Variants in KCNU1 observed in about 807,000 individuals in gnomAD.
The protein encoded by KCNU1 is potassium channel subfamily U member 1.
Under a neutral mutation model 126.8 loss-of-function variants are expected in KCNU1, and 93 were observed. The observed-to-expected ratio is 0.73, with a 90% CI of 0.62 to 0.87. The LOEUF (loss-of-function observed/expected upper bound fraction) is 0.87. KCNU1 is among the 40% of genes least tolerant of loss of function. KCNU1 has a pLI of 0.00. For missense variants in KCNU1, 1,330 were observed against 1,367.1 expected (o/e 0.97, Z 0.43); for synonymous variants, 523 against 494.2 (o/e 1.06, Z -0.77).
intron 18 of KCNU1, among the ~76,000 whole-genome samples, chr8:36,855,964 G>T (rs1805513652): frequency 6.6e-6 from 1 of 151,962 alleles, no homozygotes; most frequent in South Asian, 2.1e-4. Context: ...GTGATGTAGG[G>T]CACAATTTAG....
Position 36,911,132 on chromosome 8 carries a change from C to T in KCNU1, c.2521+13C>T, listed in dbSNP as rs777285806. The T allele has an allele frequency of 1.9e-6, 3 of 1,580,430 alleles. No homozygotes were observed. Among genetic ancestry groups the T allele is most frequent in the Non-Finnish European group, 2.6e-6 (3 of 1,158,274 alleles). On this transcript the variant is annotated intron_variant, in intron 22 of 26. Transcript: ENST00000399881. ...CCCTCAGTGTCAGGTGAGAACAGCACCCCTGAAAAGAAGAAACTAGGACGT... is the reference window on the plus strand; with the variant it reads ...CCCTCAGTGTCAGGTGAGAACAGCATCCCTGAAAAGAAGAAACTAGGACGT...
chr8:36,807,376 T>G lies in KCNU1; in HGVS notation c.582T>G (p.Gly194=). ...TTTCTCCTTTCCATTGGTTTGTAGG[T>G]TTAAGGTTCCTAAGAGCCTTGCGCC... ...ISYYLKSNWL[G]LRFLRALRLL... The change falls in exon 6 of 27, where the codon GGT becomes GGG. Residue 194 remains glycine (G), a splice_region_variant and synonymous_variant. Coordinates refer to ENST00000399881, the MANE Select transcript of KCNU1 (RefSeq NM_001031836.3). 1 of 1,612,972 alleles carries G rather than the reference T, an allele frequency of 6.2e-7. No homozygotes were observed. The highest frequency in any genetic ancestry group is 8.5e-7 in the Non-Finnish European group (1 of 1,179,078).
At chr8:36,935,438 T>A in intron 26 of KCNU1, 77 bp from the exon 27 acceptor site, 1 of 1,184,274 alleles carries the variant, frequency 8.4e-7, no homozygotes, top group Non-Finnish European at 1.2e-6. Flanking sequence ...CAAAATGACC[T>A]CTTTATTTGG....
intron 7 of KCNU1, among the ~76,000 whole-genome samples, chr8:36,811,644 G>T (rs529268495): frequency 4.2e-4 from 64 of 152,290 alleles, no homozygotes; most frequent in Non-Finnish European, 8.2e-4. Context: ...AAGAAGTAGT[G>T]GTAGTGGCTG....
intron 21 of KCNU1, among the ~76,000 whole-genome samples, chr8:36,910,093 T>C (rs1437778924): frequency 6.6e-6 from 1 of 152,132 alleles, no homozygotes; most frequent in Non-Finnish European, 1.5e-5. Context: ...TCCCACTCTA[T>C]GCCACCATTT....
chr8:36,832,768 A>G (rs752629585), intron 10 of KCNU1, among the ~76,000 whole-genome samples: 2 of 150,918 alleles, frequency 1.3e-5, no homozygotes, highest in Non-Finnish European at 1.5e-5. Context: ...TTTTATTTTT[A>G]TTTCCTTGAT....
At chr8:36,909,610 T>C (rs1307953770) in intron 21 of KCNU1, 75 bp downstream of exon 21, 5 of 873,426 alleles carry the variant, frequency 5.7e-6, no homozygotes, top group Non-Finnish European at 9.2e-6. Flanking sequence ...ATAATGATAA[T>C]ATTGCAGTTC....
chr8:36,795,914 A>G (rs546728163), intron 2 of KCNU1: 287 of 152,320 alleles, frequency 1.9e-3, no homozygotes, highest in Middle Eastern at 3.4e-3. Flanking sequence ...ACAGCACCAC[A>G]AGCCCAGGCT....
chr8:36,854,396 A>G (rs1805458559), intron 18 of KCNU1, among the ~76,000 whole-genome samples: 1 of 149,184 alleles, frequency 6.7e-6, no homozygotes, highest in African/African-American at 2.5e-5. Context: ...GGCTGTCTTC[A>G]TTTTTCTTAA....
rs368063156 is a variant in KCNU1 at position 36,864,474 on chromosome 8, G to A, written c.1962G>A (p.Pro654=). 3.0e-4 allele frequency: 486 copies of A among 1,613,102 alleles called. 4 individuals carry two copies. The South Asian group carries it at 4.1e-3, about 14-fold the overall frequency. ...ISSRISGQDS[P]PRVSASTSSI... ...CTCGTATATCAGGGCAGGATTCTCC[G>A]CCAAGGGTATCTGCAAGCACTTCGA... Residue 654 remains proline, a synonymous_variant, in exon 19 of 27, where the codon CCG becomes CCA. Transcript: ENST00000399881.
At chr8:36,869,190 C>G (rs1380224103) in intron 19 of KCNU1, among the ~76,000 whole-genome samples, 1 of 152,106 alleles carries the variant, frequency 6.6e-6, no homozygotes, top group Non-Finnish European at 1.5e-5. Flanking sequence ...TGCGAATAAT[C>G]TCAAGTGAGT....
At chr8:36,877,341 C>T (rs1296190891) in intron 19 of KCNU1, among the ~76,000 whole-genome samples, 8 of 147,692 alleles carry the variant, frequency 5.4e-5, no homozygotes, top group South Asian at 2.1e-4. Flanking sequence ...TCACTCTTGT[C>T]GCCCAGGCTA....
At chr8:36,854,380 C>G (rs1316352779) in intron 18 of KCNU1, among the ~76,000 whole-genome samples, 2 of 151,958 alleles carry the variant, frequency 1.3e-5, no homozygotes, top group Non-Finnish European at 2.9e-5. Flanking sequence ...TCCCAGCGGT[C>G]CCTTAGGCTG....
chr8:36,856,492 A>G (rs377644600), intron 18 of KCNU1, among the ~76,000 whole-genome samples: 3 of 152,290 alleles, frequency 2.0e-5, no homozygotes, highest in Admixed American at 6.5e-5. Context: ...TATAAAATAA[A>G]TTTCCCCTAA....
chr8:36,812,963 T>A (rs1455147123), intron 7 of KCNU1, among the ~76,000 whole-genome samples: 1 of 152,194 alleles, frequency 6.6e-6, no homozygotes, highest in African/African-American at 2.4e-5. Context: ...TGAATCCCTG[T>A]ACTACAACAT....
chr8:36,787,322 G>C lies in KCNU1; in HGVS notation c.212G>C (p.Gly71Ala). The C allele has an allele frequency of 6.2e-7, 1 of 1,610,678 alleles. No individual in the cohort carries two copies. The highest frequency in any genetic ancestry group is 1.1e-5 in the South Asian group (1 of 90,502). Residue 71 changes from glycine (G) to alanine (A), a missense_variant, in exon 2 of 27, where the codon GGT (glycine) becomes GCT (alanine). Gly to Ala is a moderately conservative substitution (Grantham distance 60, BLOSUM62 0). Coordinates refer to ENST00000399881, the MANE Select transcript of KCNU1 (RefSeq NM_001031836.3). ...TGIILELFTS[G>A]TIARSHVRSL... ...TGATTGTAGGAACTGTTCACATCAGGTACCATCGCTAGGAGCCATGTAAGA... is the reference window on the plus strand; with the variant it reads ...TGATTGTAGGAACTGTTCACATCAGCTACCATCGCTAGGAGCCATGTAAGA...
intron 20 of KCNU1, among the ~76,000 whole-genome samples, chr8:36,909,049 GT>G (rs1467824536): frequency 2.0e-5 from 3 of 152,132 alleles, no homozygotes; most frequent in African/African-American, 7.2e-5. Context: ...GCTAATCTGA[GT>G]TTTAGTTGAT....
At chr8:36,922,372 C>G (rs1808383672) in intron 23 of KCNU1, 118 bp from the exon 24 acceptor site, 1 of 1,090,812 alleles carries the variant, frequency 9.2e-7, no homozygotes, top group Non-Finnish European at 1.3e-6. Flanking sequence ...CCCACAGAGA[C>G]CCCAAAGTAG....
chr8:36,928,854 A>C (rs939646184), intron 24 of KCNU1: 130 of 584,756 alleles, frequency 2.2e-4, no homozygotes, highest in South Asian at 4.1e-4. Context: ...AGAACCACTC[A>C]GAGTGCCCTT....
Sources: gnomAD v4.1 joint callset for allele counts (sites outside exome capture counted in the v4.1 genomes callset) on GRCh38, gnomAD v4.1.1 for gene constraint, MANE v1.5 for transcripts, NCBI Gene and HGNC (gene_info 2026-07-23, HGNC 2026-07-21) for gene names.